SEPTIN10: variants seen among roughly 807,000 people sequenced by gnomAD.
SEPTIN10 encodes the protein septin-10.
In SEPTIN10, 66 loss-of-function variants were observed where a neutral mutation model predicts 54.8. The ratio of observed to expected loss-of-function variants is 1.21; its 90% CI spans 0.99 to 1.48. SEPTIN10 has a LOEUF of 1.48. Ranked by LOEUF, SEPTIN10 falls within the 40% of genes most tolerant of loss-of-function variation. The probability of loss-of-function intolerance (pLI) is 0.00; values close to 1 mark genes in which losing one functional copy is unlikely to be tolerated. For missense variants in SEPTIN10, 620 were observed against 545.6 expected (o/e 1.14, Z -1.36); for synonymous variants, 161 against 181.0 (o/e 0.89, Z 0.89).
At chr2:109,613,095 G>T in intron 1 of SEPTIN10, 2 of 966,264 alleles carry the variant, frequency 2.1e-6, no homozygotes, top group Non-Finnish European at 2.9e-6. Flanking sequence ...CCAAACGGCG[G>T]TGAGATCACT....
At chr2:109,578,251 T>C (rs987118442) in intron 4 of SEPTIN10, among the ~76,000 whole-genome samples, 1 of 152,156 alleles carries the variant, frequency 6.6e-6, no homozygotes, top group Non-Finnish European at 1.5e-5. Flanking sequence ...CATTGTCAGA[T>C]TGTGTTTTAA....
At chr2:109,564,339 G>A in intron 8 of SEPTIN10, 27 bp downstream of exon 8, 1 of 1,494,478 alleles carries the variant, frequency 6.7e-7, no homozygotes, top group Non-Finnish European at 9.0e-7. Context: ...TTCCTCTTTG[G>A]TTGGCTTCCC....
At chr2:109,576,887 A>G (rs1377721141) in intron 4 of SEPTIN10, among the ~76,000 whole-genome samples, 1 of 152,210 alleles carries the variant, frequency 6.6e-6, no homozygotes, top group Non-Finnish European at 1.5e-5. Flanking sequence ...TTTCAAAGGA[A>G]AAAAACAGAA....
chr2:109,560,979 TG>T (rs1338502642), intron 8 of SEPTIN10, among the ~76,000 whole-genome samples: 1 of 152,206 alleles, frequency 6.6e-6, no homozygotes, highest in Non-Finnish European at 1.5e-5. Flanking sequence ...TAAGCATCTC[TG>T]AACACCCCTT....
At chr2:109,587,127 A>G (rs958302362) in intron 2 of SEPTIN10, among the ~76,000 whole-genome samples, 1 of 152,254 alleles carries the variant, frequency 6.6e-6, no homozygotes, top group Non-Finnish European at 1.5e-5. Flanking sequence ...AAGAATCTAC[A>G]GGAAAAAGAT....
At chr2:109,572,221 C>T (rs955905441) in intron 5 of SEPTIN10, among the ~76,000 whole-genome samples, 1 of 152,076 alleles carries the variant, frequency 6.6e-6, no homozygotes, top group Non-Finnish European at 1.5e-5. Flanking sequence ...AGCTCTGCCT[C>T]CTGGGTTCAT....
chr2:109,551,439 A>G (rs953575372), intron 9 of SEPTIN10, among the ~76,000 whole-genome samples: 1 of 152,220 alleles, frequency 6.6e-6, no homozygotes, highest in Non-Finnish European at 1.5e-5. Context: ...ACCCATGTAC[A>G]ATATGCAATC....
At chr2:109,569,226 C>T (rs1025743864) in intron 5 of SEPTIN10, among the ~76,000 whole-genome samples, 4 of 151,928 alleles carry the variant, frequency 2.6e-5, no homozygotes, top group Non-Finnish European at 5.9e-5. Flanking sequence ...GTCGGGAGTT[C>T]GAGACCAGCC....
At chr2:109,592,252 G>A (rs1162496517) in intron 2 of SEPTIN10, among the ~76,000 whole-genome samples, 5 of 151,656 alleles carry the variant, frequency 3.3e-5, no homozygotes, top group Non-Finnish European at 7.4e-5. Context: ...ATCACTTGAG[G>A]CCAGGAGTTC....
chr2:109,596,094 C>A (rs991880418), intron 1 of SEPTIN10, among the ~76,000 whole-genome samples: 1 of 152,018 alleles, frequency 6.6e-6, no homozygotes, highest in East Asian at 1.9e-4. Context: ...TGCAGTGGTG[C>A]GATCACAGCT....
intron 1 of SEPTIN10, among the ~76,000 whole-genome samples, chr2:109,611,001 G>A (rs983833600): frequency 2.0e-5 from 3 of 152,092 alleles, no homozygotes; most frequent in South Asian, 2.1e-4. Context: ...GCGTGCTAAC[G>A]GAGAACCCAG....
Position 109,565,780 on chromosome 2 carries a change from G to C in SEPTIN10, c.842C>G (p.Pro281Arg), listed in dbSNP as rs1174032347. Residue 281 changes from proline (P) to arginine (R), a missense_variant, in exon 7 of 11, where the codon CCT becomes CGT. Physicochemically the swap from Pro to Arg is moderately radical, Grantham distance 103. Coordinates refer to ENST00000397712, the MANE Select transcript of SEPTIN10 (RefSeq NM_144710.5). ...GNKMVKARQY[P>R]WGVVQVENEN... ...TCATTTACCTTGTACAACACCCCAA[G>C]GGTACTGGCGAGCTTTGACCATCTT... 3 of 1,613,656 alleles carry C rather than the reference G, an allele frequency of 1.9e-6. No homozygotes were observed. Among genetic ancestry groups the C allele is most frequent in the Non-Finnish European group, 2.5e-6 (3 of 1,179,886 alleles).
At chr2:109,609,835 T>C (rs1330494539) in intron 1 of SEPTIN10, among the ~76,000 whole-genome samples, 1 of 152,024 alleles carries the variant, frequency 6.6e-6, no homozygotes, top group East Asian at 1.9e-4. Context: ...AAGGTAAGGA[T>C]AACTGAAGAA....
chr2:109,599,196 A>G (rs1696007138), intron 1 of SEPTIN10, among the ~76,000 whole-genome samples: 1 of 151,998 alleles, frequency 6.6e-6, no homozygotes, highest in African/African-American at 2.4e-5. Context: ...GGTGGCTCAC[A>G]CCTGTAACCC....
At chr2:109,557,851 C>CTT (rs202104089) in intron 8 of SEPTIN10, among the ~76,000 whole-genome samples, 25,910 of 140,690 alleles carry the variant, frequency 0.18, 3,184 homozygotes, top group Non-Finnish European at 0.27. Context: ...TCATAATTTT[C>CTT]TTTTTTTTTT....
At chr2:109,574,083 T>A (rs1326565279) in intron 5 of SEPTIN10, among the ~76,000 whole-genome samples, 1 of 152,158 alleles carries the variant, frequency 6.6e-6, no homozygotes, top group Admixed American at 6.5e-5. Flanking sequence ...CTTCTTTGCA[T>A]CTCATCTTCC....
intron 4 of SEPTIN10, among the ~76,000 whole-genome samples, chr2:109,582,741 C>A (rs963824381): frequency 1.3e-5 from 2 of 152,246 alleles, no homozygotes; most frequent in Admixed American, 1.3e-4. Flanking sequence ...AGCAAAAGAA[C>A]AAAGCCTGAG....
At chr2:109,548,815 G>A (rs1468349040) in intron 9 of SEPTIN10, among the ~76,000 whole-genome samples, 1 of 139,192 alleles carries the variant, frequency 7.2e-6, no homozygotes, top group Non-Finnish European at 1.6e-5. Flanking sequence ...CATAATATTT[G>A]AGGAAATATT....
At chr2:109,551,123 G>A (rs1282861304) in intron 9 of SEPTIN10, among the ~76,000 whole-genome samples, 1 of 152,162 alleles carries the variant, frequency 6.6e-6, no homozygotes. Flanking sequence ...AAGACAGAAC[G>A]TCAACGATAT....
Sources: gnomAD v4.1 joint callset for allele counts (sites outside exome capture counted in the v4.1 genomes callset) on GRCh38, gnomAD v4.1.1 for gene constraint, MANE v1.5 for transcripts, NCBI Gene and HGNC (gene_info 2026-07-23, HGNC 2026-07-21) for gene names.